PDE11A: variants seen among roughly 807,000 people sequenced by gnomAD.
The protein encoded by PDE11A is phosphodiesterase 11A, also known as dual 3',5'-cyclic-AMP and -GMP phosphodiesterase 11A.
A neutral mutation model predicts 100.5 loss-of-function variants in PDE11A; 100 were observed. The observed-to-expected ratio is 1.00, with a 90% CI of 0.85 to 1.18. The LOEUF (loss-of-function observed/expected upper bound fraction) is 1.18. Ranked by LOEUF, PDE11A falls within the 50% of genes most tolerant of loss-of-function variation. The pLI, the probability that PDE11A is intolerant of heterozygous loss-of-function variation, is 0.00. For synonymous variants in PDE11A, 381 were observed against 420.8 expected, an observed-to-expected ratio of 0.91 and a Z score of 1.16; for missense variants, 1,141 against 1,152.6, an observed-to-expected ratio of 0.99 and a Z score of 0.15.
intron 19 of PDE11A, among the ~76,000 whole-genome samples, chr2:177,647,720 G>A (rs1473510414): frequency 6.6e-6 from 1 of 152,148 alleles, no homozygotes; most frequent in Non-Finnish European, 1.5e-5. Flanking sequence ...GAGGAGAAAT[G>A]CTTTGTCTTT....
At position 177,629,533 on chromosome 2, in the gene PDE11A, C is replaced by T; in HGVS notation, c.2676G>A (p.Lys892=). 6.2e-7 allele frequency: 1 copy of T among 1,614,032 alleles called. No individual in the cohort carries two copies. The highest frequency in any genetic ancestry group is 1.7e-5 in the Admixed American group (1 of 60,020). Residue 892 remains lysine (K), a synonymous_variant, in exon 20 of 20, where the codon AAG becomes AAA. Coordinates refer to ENST00000286063, the MANE Select transcript of PDE11A (RefSeq NM_016953.4). The part of the protein sequence containing the change: ...QALVKVNVKL[K]PMLDSVATNR... ...TTGTAGCTACTGAATCTAGCATCGG[C>T]TTCAGTTTCACGTTGACCTTCACCA...
intron 6 of PDE11A, among the ~76,000 whole-genome samples, chr2:177,836,324 G>C (rs1266481083): frequency 6.6e-6 from 1 of 152,082 alleles, no homozygotes; most frequent in Non-Finnish European, 1.5e-5. Flanking sequence ...TCAGCACTCT[G>C]TATCTAGCTC....
Position 177,905,196 on chromosome 2 carries a change from A to C in PDE11A, c.1072-9T>G, listed in dbSNP as rs1245846989. On this transcript the variant is annotated splice_polypyrimidine_tract_variant and intron_variant, in intron 2 of 19. Coordinates refer to ENST00000286063, the MANE Select transcript of PDE11A (RefSeq NM_016953.4). Reference sequence around the variant, plus strand: ...AGATACATCTGCATAACCTGGGACAAAGAGAGTAGTAAGAACATTAAAACA... The same window carrying C: ...AGATACATCTGCATAACCTGGGACACAGAGAGTAGTAAGAACATTAAAACA... The C allele has an allele frequency of 3.4e-6, 5 of 1,484,946 alleles. No homozygotes were observed. The highest frequency in any genetic ancestry group is 3.8e-6 in the Non-Finnish European group (4 of 1,061,530). 92.0% of individuals were successfully genotyped at this position (1,484,946 alleles called of 1,614,324 possible).
intron 10 of PDE11A, among the ~76,000 whole-genome samples, chr2:177,744,348 T>TG (rs2081917391): frequency 6.6e-6 from 1 of 151,626 alleles, no homozygotes; most frequent in African/African-American, 2.4e-5. Context: ...TGCTTTTTTT[T>TG]TTTTACTATA....
intron 2 of PDE11A, among the ~76,000 whole-genome samples, chr2:177,910,948 C>T (rs1025704093): frequency 6.6e-6 from 1 of 152,158 alleles, no homozygotes; most frequent in Admixed American, 6.5e-5. Context: ...GGGGCCATCC[C>T]GTTCGTGGAC....
chr2:177,715,365 G>A (rs2081421190), intron 12 of PDE11A, among the ~76,000 whole-genome samples: 1 of 152,114 alleles, frequency 6.6e-6, no homozygotes, highest in Non-Finnish European at 1.5e-5. Context: ...ACAGAGATAT[G>A]CTTTGGGTTG....
intron 11 of PDE11A, 37 bp downstream of exon 11, chr2:177,727,989 G>A (rs2081625155): frequency 2.5e-6 from 4 of 1,593,608 alleles, no homozygotes; most frequent in Non-Finnish European, 2.6e-6. Context: ...CGTTGTCCCA[G>A]GTGAACTGCT....
rs562234985 is a variant in PDE11A at position 178,062,960 on chromosome 2, G to T, written c.912+8566C>A. 3.3e-5 allele frequency among the ~76,000 whole-genome samples: 5 copies of T among 152,302 alleles called. No homozygotes were observed. The East Asian group carries it at 7.7e-4, about 24-fold the overall frequency. ...TATTAGATCTTGATTATAGGCATGA[G>T]ATTTAGTGTTCATTTATTCTTTAAT... is the stretch of plus-strand genomic sequence containing the variant. On this transcript the variant is annotated intron_variant, in intron 1 of 19. Coordinates refer to ENST00000286063, the MANE Select transcript of PDE11A (RefSeq NM_016953.4).
intron 5 of PDE11A, among the ~76,000 whole-genome samples, chr2:177,861,164 G>C (rs1224976599): frequency 6.6e-6 from 1 of 151,674 alleles, no homozygotes; most frequent in African/African-American, 2.4e-5. Flanking sequence ...CTATTTGCAG[G>C]TGATAAAATC....
upstream of PDE11A, among the ~76,000 whole-genome samples, chr2:178,077,174 G>A (rs747348987): frequency 3.3e-5 from 5 of 151,808 alleles, no homozygotes; most frequent in Non-Finnish European, 5.9e-5. Context: ...CACAGGTGTG[G>A]TTCACTGGGA....
chr2:177,990,792 T>C lies in PDE11A; in HGVS notation c.1071+23510A>G, dbSNP rs376472143. The stretch of plus-strand genomic sequence containing the variant: ...AGGGTAGCGTGGTGGCTCATGCCTG[T>C]AATCCTAGCACTTTGGGAGGTGGAG... On this transcript the variant is annotated intron_variant, in intron 2 of 19. Coordinates refer to ENST00000286063, the MANE Select transcript of PDE11A (RefSeq NM_016953.4). Among the ~76,000 whole-genome samples the C allele has an allele frequency of 6.3e-5, 9 of 142,824 alleles. No individual in the cohort carries two copies. The East Asian group carries it at 8.1e-4, about 13-fold the overall frequency. The allele number at this position is 142,824 out of a possible 152,430, so 93.7% of individuals were successfully genotyped here.
chr2:178,032,208 C>CA (rs1265679001), intron 1 of PDE11A, among the ~76,000 whole-genome samples: 9 of 152,082 alleles, frequency 5.9e-5, no homozygotes, highest in African/African-American at 2.2e-4. Flanking sequence ...AATATGAAAA[C>CA]AAATTTATAA....
chr2:178,016,662 TCAAAA>T (rs1394853946), intron 1 of PDE11A, among the ~76,000 whole-genome samples: 1 of 152,134 alleles, frequency 6.6e-6, no homozygotes, highest in Non-Finnish European at 1.5e-5. Flanking sequence ...AAGTTCTCTC[TCAAAA>T]CAGAACAAAT....
At chr2:177,868,016 G>T (rs544540462) in intron 5 of PDE11A, among the ~76,000 whole-genome samples, 2 of 152,282 alleles carry the variant, frequency 1.3e-5, no homozygotes, top group Admixed American at 1.3e-4. Context: ...GATAGGATTT[G>T]GGCCATGGTG....
chr2:178,074,788 C>G (rs1169134990), upstream of PDE11A, among the ~76,000 whole-genome samples: 1 of 152,188 alleles, frequency 6.6e-6, no homozygotes, highest in African/African-American at 2.4e-5. Context: ...CTGAATGCAA[C>G]ATTTCGAGCT....
chr2:177,928,104 C>CAA (rs59085357), intron 2 of PDE11A, among the ~76,000 whole-genome samples: 858 of 55,688 alleles, frequency 0.015, 23 homozygotes, highest in African/African-American at 0.032. Flanking sequence ...AACTCCATCT[C>CAA]AAAAAAAAAA....
intron 10 of PDE11A, among the ~76,000 whole-genome samples, chr2:177,735,693 C>T (rs1378277047): frequency 6.6e-6 from 1 of 152,208 alleles, no homozygotes; most frequent in Non-Finnish European, 1.5e-5. Flanking sequence ...TAGGCTTGGA[C>T]CCCTTGGCTG....
At chr2:177,822,332 T>C (rs75898812) in intron 6 of PDE11A, among the ~76,000 whole-genome samples, 15,543 of 151,876 alleles carry the variant, frequency 0.1, 1,119 homozygotes, top group Non-Finnish European at 0.15. Flanking sequence ...CCAGCACTGT[T>C]TTGAGGGAAA....
At chr2:177,912,167 G>C (rs2084889957) in intron 2 of PDE11A, among the ~76,000 whole-genome samples, 1 of 152,124 alleles carries the variant, frequency 6.6e-6, no homozygotes, top group Admixed American at 6.5e-5. Flanking sequence ...CCTAAAGCGT[G>C]AATCTTTACA....
Sources: gnomAD v4.1 joint callset for allele counts (sites outside exome capture counted in the v4.1 genomes callset) on GRCh38, gnomAD v4.1.1 for gene constraint, MANE v1.5 for transcripts, NCBI Gene and HGNC (gene_info 2026-07-23, HGNC 2026-07-21) for gene names.